The following TAB3 variants were observed in gnomAD, a reference collection of about 807,000 sequenced individuals.
The protein encoded by TAB3 is TGF-beta activated kinase 1 (MAP3K7) binding protein 3.
A neutral mutation model predicts 48.1 loss-of-function variants in TAB3; 18 were observed. The observed-to-expected ratio is 0.37, with a 90% confidence interval of 0.26 to 0.55. The LOEUF is 0.55. TAB3 is among the 20% of genes least tolerant of loss of function. The pLI is 0.78. For missense variants in TAB3, 414 were observed against 549.8 expected (o/e 0.75, Z 2.47); for synonymous variants, 185 against 190.2 (o/e 0.97, Z 0.22).
At chrX:30,885,752 T>C (rs767942379) in intron 1 of TAB3, among the ~76,000 whole-genome samples, 22 of 111,899 alleles carry the variant, frequency 2.0e-4, no homozygotes, top group African/African-American at 4.9e-4. Context: ...GGAGAAACCA[T>C]TGGAGGGTCT....
rs761762289 is a variant in TAB3 at position 30,832,394 on chromosome X, CTA to C, written c.1991-821_1991-820del. Among the ~76,000 whole-genome samples, 3 of 111,750 alleles carry C rather than the reference CTA, an allele frequency of 2.7e-5. No individual in the cohort carries two copies. In the South Asian group the frequency reaches 1.1e-3, roughly 42 times the overall value. On this transcript the variant is annotated intron_variant, in intron 10 of 10. Coordinates refer to ENST00000288422, the MANE Select transcript of TAB3 (RefSeq NM_152787.5). ...CCTGTAATTTCTGTCTTTTAGGTCTCTATTGAGACTGAGGTCAATAAATAGGA... is the reference window on the plus strand; with the variant it reads ...CCTGTAATTTCTGTCTTTTAGGTCTCTTGAGACTGAGGTCAATAAATAGGA...
chrX:30,889,180 CG>C lies in TAB3; in HGVS notation c.-450del. On this transcript the variant is annotated 5_prime_UTR_variant, in exon 1 of 11. Coordinates refer to ENST00000288422, the MANE Select transcript of TAB3 (RefSeq NM_152787.5). ...CCCTCACGCCCGTCGCCTACTCCCGCGGGGGGTCCGGGCCGGCGCCGCTTCC... is the reference window on the plus strand; with the variant it reads ...CCCTCACGCCCGTCGCCTACTCCCGCGGGGGTCCGGGCCGGCGCCGCTTCC... 1 of 114,772 alleles carries C rather than the reference CG, an allele frequency of 8.7e-6. No individual in the cohort carries two copies. The highest frequency in any genetic ancestry group is 1.9e-5 in the Non-Finnish European group (1 of 53,901). The allele number at this position is 114,772 out of a possible 1,213,427, so 9.5% of individuals were successfully genotyped here.
intron 1 of TAB3, among the ~76,000 whole-genome samples, chrX:30,874,019 A>G (rs1939748269): frequency 9.0e-6 from 1 of 111,107 alleles, no homozygotes; most frequent in African/African-American, 3.3e-5. Context: ...ACAAAACAAT[A>G]TAAAAAAGTA....
chrX:30,866,045 T>C (rs1939393056), intron 4 of TAB3, among the ~76,000 whole-genome samples: 1 of 112,005 alleles, frequency 8.9e-6, no homozygotes, highest in Admixed American at 9.5e-5. Context: ...ATAGGATTTT[T>C]ATTACAGTAG....
At chrX:30,887,111 C>T (rs1418544226) in intron 1 of TAB3, among the ~76,000 whole-genome samples, 1 of 112,313 alleles carries the variant, frequency 8.9e-6, no homozygotes, top group Non-Finnish European at 1.9e-5. Context: ...TGTATGTGTA[C>T]CTCCAAGCTG....
At chrX:30,863,117 A>C (rs772202267) in intron 4 of TAB3, among the ~76,000 whole-genome samples, 1 of 112,434 alleles carries the variant, frequency 8.9e-6, no homozygotes, top group East Asian at 2.8e-4. Flanking sequence ...TTTTCACAAC[A>C]AATAGGAATC....
At chrX:30,872,756 G>C (rs1395049628) in intron 1 of TAB3, among the ~76,000 whole-genome samples, 2 of 111,728 alleles carry the variant, frequency 1.8e-5, no homozygotes, top group Non-Finnish European at 3.8e-5. Context: ...TTAAGTAAAA[G>C]GTTGGGCTTC....
chrX:30,834,248 T>A (rs923003746), intron 9 of TAB3, 96 bp from the exon 10 acceptor site: 5 of 736,280 alleles, frequency 6.8e-6, no homozygotes, highest in Non-Finnish European at 1.0e-5. Flanking sequence ...CCCACACAGC[T>A]GAGTGCATTT....
At position 30,829,296 on chromosome X, in the gene TAB3, C is replaced by T. The variant is rs927922246; in HGVS notation, c.*2131G>A. ...ACATGCTACTTTCATTCTCAACTGA[C>T]AACTGCCAAGTTAATTGCCTCCACT... On this transcript the variant is annotated 3_prime_UTR_variant, in exon 11 of 11. Coordinates refer to ENST00000288422, the MANE Select transcript of TAB3 (RefSeq NM_152787.5). 2 of 112,431 alleles carry T rather than the reference C, an allele frequency of 1.8e-5. No homozygotes were observed. The highest frequency in any genetic ancestry group is 6.5e-5 in the African/African-American group (2 of 30,889). 9.3% of individuals were successfully genotyped at this position (112,431 alleles called of 1,213,427 possible).
intron 6 of TAB3, 120 bp from the exon 7 acceptor site, chrX:30,853,058 C>T (rs1938917814): frequency 1.4e-6 from 1 of 717,949 alleles, no homozygotes; most frequent in African/African-American, 2.1e-5. Context: ...CATTTACTCT[C>T]ATGTCTTTCT....
intron 9 of TAB3, among the ~76,000 whole-genome samples, chrX:30,841,725 A>G (rs1471831209): frequency 8.9e-6 from 1 of 112,224 alleles, no homozygotes; most frequent in African/African-American, 3.2e-5. Context: ...TGTCTTCATG[A>G]TCAATCTACC....
intron 2 of TAB3, among the ~76,000 whole-genome samples, chrX:30,870,794 T>C (rs1050275167): frequency 2.5e-4 from 28 of 111,818 alleles, no homozygotes; most frequent in African/African-American, 9.1e-4. Flanking sequence ...AGTCCAGAGA[T>C]GCTGCTAAAC....
At position 30,827,740 on chromosome X, in the gene TAB3, C is replaced by A. The variant is rs1937930104; in HGVS notation, c.*3687G>T. ...TCAGTCTCAAAGTAACTTTTCATGGCTTTAGAATTAAAATTGAGTCATCAT... is the reference window on the plus strand; with the variant it reads ...TCAGTCTCAAAGTAACTTTTCATGGATTTAGAATTAAAATTGAGTCATCAT... On this transcript the variant is annotated 3_prime_UTR_variant, in exon 11 of 11. Transcript: ENST00000288422. 8.9e-6 allele frequency: 1 copy of A among 112,102 alleles called. No individual in the cohort carries two copies. Among genetic ancestry groups the A allele is most frequent in the East Asian group, 2.8e-4 (1 of 3,588 alleles). 9.2% of individuals were successfully genotyped at this position (112,102 alleles called of 1,213,427 possible).
chrX:30,841,203 T>G (rs1222101719), intron 9 of TAB3, among the ~76,000 whole-genome samples: 1 of 111,595 alleles, frequency 9.0e-6, no homozygotes, highest in African/African-American at 3.3e-5. Flanking sequence ...GCTGAGTCAC[T>G]TGAGGTCAAG....
At chrX:30,878,930 A>C (rs1421091924) in intron 1 of TAB3, among the ~76,000 whole-genome samples, 1 of 112,166 alleles carries the variant, frequency 8.9e-6, no homozygotes, top group African/African-American at 3.2e-5. Flanking sequence ...CATCTCAAAA[A>C]TGATGGGATG....
intron 1 of TAB3, among the ~76,000 whole-genome samples, chrX:30,875,796 C>T (rs1039595117): frequency 1.8e-5 from 2 of 111,877 alleles, no homozygotes; most frequent in Non-Finnish European, 3.8e-5. Flanking sequence ...TACAATGTAA[C>T]CTTTCAATTA....
At chrX:30,888,489 G>C (rs1940194400) in intron 1 of TAB3, among the ~76,000 whole-genome samples, 1 of 112,134 alleles carries the variant, frequency 8.9e-6, no homozygotes, top group African/African-American at 3.2e-5. Flanking sequence ...CTGCTTTTAC[G>C]CACTTTATGA....
At chrX:30,840,293 G>A (rs908460283) in intron 9 of TAB3, among the ~76,000 whole-genome samples, 9 of 110,558 alleles carry the variant, frequency 8.1e-5, no homozygotes, top group African/African-American at 2.6e-4. Flanking sequence ...TTCTTGTCTT[G>A]TTTCTTAAGG....
intron 4 of TAB3, among the ~76,000 whole-genome samples, chrX:30,866,675 T>C (rs1369182011): frequency 9.2e-6 from 1 of 108,431 alleles, no homozygotes; most frequent in Non-Finnish European, 1.9e-5. Context: ...CATGAGCCCA[T>C]ACTGAGATAA....
Sources: allele counts gnomAD v4.1 joint callset (sites outside exome capture counted in the v4.1 genomes callset), GRCh38; gene constraint gnomAD v4.1.1; transcripts MANE v1.5; gene names NCBI Gene and HGNC (gene_info 2026-07-23, HGNC 2026-07-21).